UNC45B: variants seen among roughly 807,000 people sequenced by gnomAD.
UNC45B encodes protein unc-45 homolog B.
UNC45B carries 78 observed loss-of-function variants against 98.7 expected under a neutral mutation model. That is an observed-to-expected ratio of 0.79 (90% CI 0.66 to 0.95). UNC45B has a LOEUF of 0.95. UNC45B is among the 40% of genes least tolerant of loss of function. UNC45B has a pLI of 0.00. For missense variants in UNC45B, 1,225 were observed against 1,184.9 expected (o/e 1.03, Z -0.50); for synonymous variants, 462 against 480.4 (o/e 0.96, Z 0.50).
intron 13 of UNC45B, among the ~76,000 whole-genome samples, chr17:35,173,856 A>T (rs2092207272): frequency 7.0e-6 from 1 of 143,866 alleles, no homozygotes; most frequent in African/African-American, 2.6e-5. Context: ...TGTGTCGCCC[A>T]GGCTGGAGTG....
intron 19 of UNC45B, 26 bp from the exon 20 acceptor site, chr17:35,186,273 T>A: frequency 1.2e-6 from 2 of 1,611,462 alleles, no homozygotes; most frequent in Non-Finnish European, 1.7e-6. Context: ...ACCTAGCACC[T>A]TCCTTACCTT....
In UNC45B at chr17:35,150,167, C is replaced by A. The variant is rs774414887; in HGVS notation, c.325C>A (p.Arg109=). ...DVQRCATLEP[R]NQNFQEMLRR... ...GCAGCGTTGTGCCACCCTCGAGCCA[C>A]GGAACCAGAACTTCCAGGAGATGCT... Residue 109 remains arginine (R), a synonymous_variant, in exon 4 of 20, where the codon CGG becomes AGG. Transcript: ENST00000394570. 2 of 1,613,632 alleles carry A rather than the reference C, an allele frequency of 1.2e-6. No homozygotes were observed. Among genetic ancestry groups the A allele is most frequent in the East Asian group, 4.5e-5 (2 of 44,806 alleles).
intron 8 of UNC45B, among the ~76,000 whole-genome samples, chr17:35,163,519 A>G (rs965918244): frequency 6.6e-6 from 1 of 152,234 alleles, no homozygotes; most frequent in Non-Finnish European, 1.5e-5. Context: ...TAATAAATAC[A>G]CACTCAATAA....
intron 4 of UNC45B, among the ~76,000 whole-genome samples, chr17:35,152,398 G>A (rs1168167284): frequency 2.0e-5 from 3 of 152,172 alleles, no homozygotes; most frequent in Non-Finnish European, 4.4e-5. Context: ...AGGGCAGTGG[G>A]GTTGGAGTGG....
In UNC45B at chr17:35,149,882, C is replaced by A. The variant is rs182144839; in HGVS notation, c.206-166C>A. On this transcript the variant is annotated intron_variant, in intron 3 of 19. Transcript: ENST00000394570. The stretch of plus-strand genomic sequence containing the variant: ...CTTGAAACTCTGTGGATCTTACTGT[C>A]TCCCTAACAAAGGGGAGGTAAGGGC... Among the ~76,000 whole-genome samples the A allele has an allele frequency of 2.0e-5, 3 of 152,328 alleles. No individual in the cohort carries two copies. The East Asian group carries it at 5.8e-4, about 29-fold the overall frequency.
chr17:35,154,779 T>A (rs2092046908), intron 6 of UNC45B, 38 bp downstream of exon 6: 1 of 1,527,886 alleles, frequency 6.5e-7, no homozygotes, highest in Non-Finnish European at 8.7e-7. Flanking sequence ...AGCAGACGAC[T>A]GCTGGTCCAA....
intron 18 of UNC45B, among the ~76,000 whole-genome samples, chr17:35,182,878 C>T (rs983029119): frequency 2.6e-5 from 4 of 151,938 alleles, no homozygotes; most frequent in African/African-American, 9.7e-5. Context: ...GGGGTTAATA[C>T]CTCTCTGAGA....
Position 35,155,318 on chromosome 17 carries a change from T to C in UNC45B, c.662T>C (p.Val221Ala), listed in dbSNP as rs1284005592. ...TAGGCCACAGTGATTCTGCATGCAG[T>C]GCGGATAGACCGAATCTGTAGCCTC... is the stretch of plus-strand genomic sequence containing the variant. ...QARATVILHA[V>A]RIDRICSLMA... The change falls in exon 7 of 20, where the codon GTG becomes GCG. Residue 221 changes from valine (V) to alanine (A), a missense_variant. Physicochemically the swap from Val to Ala is moderately conservative, Grantham distance 64. Coordinates refer to ENST00000394570, the MANE Select transcript of UNC45B (RefSeq NM_001267052.2). 6.2e-7 allele frequency: 1 copy of C among 1,614,090 alleles called. No homozygotes were observed. Among genetic ancestry groups the C allele is most frequent in the Non-Finnish European group, 8.5e-7 (1 of 1,180,014 alleles).
chr17:35,177,228 G>A, intron 16 of UNC45B, 98 bp downstream of exon 16: 2 of 1,135,512 alleles, frequency 1.8e-6, no homozygotes, highest in Non-Finnish European at 2.5e-6. Context: ...TGGGACAGGG[G>A]CATGGTGCTG....
Position 35,170,155 on chromosome 17 carries a change from G to T in UNC45B, c.1589G>T (p.Trp530Leu). 1 of 1,613,706 alleles carries T rather than the reference G, an allele frequency of 6.2e-7. No individual in the cohort carries two copies. The highest frequency in any genetic ancestry group is 8.5e-7 in the Non-Finnish European group (1 of 1,179,758). The change falls in exon 12 of 20, where the codon TGG becomes TTG. Residue 530 changes from tryptophan to leucine, a missense_variant. Physicochemically the swap from Trp to Leu is moderately conservative, Grantham distance 61 (BLOSUM62 -2). Transcript: ENST00000394570. ...TCCATAGACACTCGGACCCGACGCT[G>T]GGCAGTGGAGGGCCTGGCCTACCTC... ...NMSIDTRTRRWAVEGLAYLTL... is the reference protein window; with the variant it reads ...NMSIDTRTRRLAVEGLAYLTL...
Position 35,150,152 on chromosome 17 carries a change from G to A in UNC45B, c.310G>A (p.Ala104Thr). The change falls in exon 4 of 20, where the codon GCC becomes ACC. Residue 104 changes from alanine (A) to threonine (T), a missense_variant. Physicochemically the swap from Ala to Thr is moderately conservative, Grantham distance 58 (BLOSUM62 0). Transcript: ENST00000394570. The stretch of plus-strand genomic sequence containing the variant: ...GGCCTTCAAAGACGTGCAGCGTTGT[G>A]CCACCCTCGAGCCACGGAACCAGAA... ...DQAFKDVQRC[A>T]TLEPRNQNFQ... The A allele has an allele frequency of 5.0e-6, 8 of 1,613,816 alleles. No individual in the cohort carries two copies. The highest frequency in any genetic ancestry group is 6.8e-6 in the Non-Finnish European group (8 of 1,179,862).
intron 18 of UNC45B, among the ~76,000 whole-genome samples, chr17:35,182,149 G>T (rs909447714): frequency 1.3e-5 from 2 of 151,170 alleles, no homozygotes; most frequent in African/African-American, 2.4e-5. Flanking sequence ...GAGTGCAGTG[G>T]TGTGATCTTA....
Position 35,186,693 on chromosome 17 carries a change from G to C in UNC45B, c.*134G>C. 3 of 1,051,430 alleles carry C rather than the reference G, an allele frequency of 2.9e-6. No homozygotes were observed. The highest frequency in any genetic ancestry group is 4.0e-6 in the Non-Finnish European group (3 of 742,392). 65.1% of individuals were successfully genotyped at this position (1,051,430 alleles called of 1,614,324 possible). A position where few individuals can be genotyped will look rare whatever the true frequency, so the allele number is the denominator to read the frequency against. ...AAGTCTCAATATAAAGGAAAGACTTGATTGTTCTCTGAGTTGTGAGTCTTC... is the reference window on the plus strand; with the variant it reads ...AAGTCTCAATATAAAGGAAAGACTTCATTGTTCTCTGAGTTGTGAGTCTTC... On this transcript the variant is annotated 3_prime_UTR_variant, in exon 20 of 20. Coordinates refer to ENST00000394570, the MANE Select transcript of UNC45B (RefSeq NM_001267052.2).
At chr17:35,175,038 AGAAGGAAAGAAAGAAAG>A (rs1272195128) in intron 14 of UNC45B, among the ~76,000 whole-genome samples, 5 of 146,516 alleles carry the variant, frequency 3.4e-5, no homozygotes, top group Non-Finnish European at 6.0e-5. Context: ...GAGAGAGGAA[AGAAGGAAAGAAAGAAAG>A]GAAAGAAGAA....
chr17:35,178,163 G>A (rs1181155925), intron 17 of UNC45B, among the ~76,000 whole-genome samples: 1 of 152,222 alleles, frequency 6.6e-6, no homozygotes, highest in Non-Finnish European at 1.5e-5. Context: ...GTCTCCCAAA[G>A]TGCTTGGATT....
At chr17:35,167,852 A>G (rs1052170750) in intron 9 of UNC45B, among the ~76,000 whole-genome samples, 3 of 152,116 alleles carry the variant, frequency 2.0e-5, no homozygotes, top group Admixed American at 6.5e-5. Flanking sequence ...CTGTTATGTC[A>G]TTTATCCTCA....
chr17:35,151,571 A>G (rs925673160), intron 4 of UNC45B, among the ~76,000 whole-genome samples: 1 of 152,104 alleles, frequency 6.6e-6, no homozygotes, highest in Admixed American at 6.5e-5. Flanking sequence ...CTCAGCTGCT[A>G]GTTTTTGTGG....
chr17:35,162,728 C>A (rs140430091), intron 8 of UNC45B, among the ~76,000 whole-genome samples: 66 of 152,234 alleles, frequency 4.3e-4, no homozygotes, highest in African/African-American at 1.6e-3. Context: ...TTACAGGTGC[C>A]CGCCACCATG....
chr17:35,159,557 G>A lies in UNC45B; in HGVS notation c.979+12G>A, dbSNP rs768607228. The A allele has an allele frequency of 1.9e-6, 3 of 1,610,496 alleles. No individual in the cohort carries two copies. Among genetic ancestry groups the A allele is most frequent in the Non-Finnish European group, 1.7e-6 (2 of 1,177,412 alleles). On this transcript the variant is annotated intron_variant, in intron 8 of 19. Coordinates refer to ENST00000394570, the MANE Select transcript of UNC45B (RefSeq NM_001267052.2). ...TGTGGTGGATAATGGTGAGAAGAGG[G>A]GAAGGTTTGGGGCTTGCTCAAGCCT...
Sources: gnomAD v4.1 joint callset for allele counts (sites outside exome capture counted in the v4.1 genomes callset) on GRCh38, gnomAD v4.1.1 for gene constraint, MANE v1.5 for transcripts, NCBI Gene and HGNC (gene_info 2026-07-23, HGNC 2026-07-21) for gene names.